The following WASHC5 variants were observed in gnomAD, a reference collection of about 807,000 sequenced individuals.
The protein encoded by WASHC5 is WASH complex subunit 5, also known as WASH complex subunit strumpellin.
In WASHC5, 101 loss-of-function variants were observed where a neutral mutation model predicts 150.4. The observed-to-expected ratio is 0.67, with a 90% CI of 0.57 to 0.79. The LOEUF (loss-of-function observed/expected upper bound fraction) is 0.79, where lower values mean the gene tolerates loss of function less well. WASHC5 is among the 30% of genes least tolerant of loss of function. The pLI is 0.00. For missense variants in WASHC5, 1,195 were observed against 1,396.3 expected (o/e 0.86, Z 2.30); for synonymous variants, 467 against 491.2 (o/e 0.95, Z 0.65).
intron 18 of WASHC5, 96 bp downstream of exon 18, chr8:125,050,468 G>C (rs1046114974): frequency 1.3e-6 from 1 of 776,716 alleles, no homozygotes; most frequent in African/African-American, 1.7e-5. Context: ...TTAGCTAGGA[G>C]GTAAGGTCTT....
At chr8:125,071,814 A>C (rs1404089094) in intron 9 of WASHC5, among the ~76,000 whole-genome samples, 1 of 152,180 alleles carries the variant, frequency 6.6e-6, no homozygotes, top group Non-Finnish European at 1.5e-5. Context: ...AGAAGTGACA[A>C]ATCTGAGATG....
chr8:125,063,619 G>C lies in WASHC5; in HGVS notation c.1311C>G (p.Thr437=), dbSNP rs964769606. The C allele has an allele frequency of 3.1e-6, 5 of 1,613,566 alleles. No individual in the cohort carries two copies. In the African/African-American group the frequency reaches 6.7e-5, roughly 22 times the overall value. The change falls in exon 11 of 29, where the codon ACC becomes ACG. Residue 437 remains threonine (T), a synonymous_variant. Coordinates refer to ENST00000318410, the MANE Select transcript of WASHC5 (RefSeq NM_014846.4). ...CCTCTTTCTTGTAATGCTCCCATTT[G>C]GTTTGCTTTTCTGAAAGCATTTGCT... ...MFKQMLSEKQ[T]KWEHYKKEGS... is the part of the protein sequence containing the mutation.
chr8:125,041,750 GACC>G (rs1815896295), intron 23 of WASHC5, among the ~76,000 whole-genome samples: 2 of 152,000 alleles, frequency 1.3e-5, no homozygotes, highest in Admixed American at 1.3e-4. Flanking sequence ...TATTATTTTT[GACC>G]ACTATTCATA....
intron 27 of WASHC5, 125 bp from the exon 28 acceptor site, chr8:125,028,832 G>C: frequency 1.4e-6 from 1 of 713,124 alleles, no homozygotes; most frequent in Non-Finnish European, 2.5e-6. Flanking sequence ...CAAAAACATT[G>C]AGCATGCTCT....
chr8:125,025,940 T>G (rs2129937155), intron 28 of WASHC5, among the ~76,000 whole-genome samples: 1 of 152,274 alleles, frequency 6.6e-6, no homozygotes, highest in South Asian at 2.1e-4. Flanking sequence ...GGCACATATC[T>G]TGGTAAACCT....
intron 1 of WASHC5, among the ~76,000 whole-genome samples, chr8:125,087,212 T>C (rs577974168): frequency 1.3e-5 from 2 of 152,352 alleles, no homozygotes; most frequent in African/African-American, 2.4e-5. Context: ...CTGTGCAATA[T>C]AGTCATTGCT....
rs199829614 is a variant in WASHC5 at position 125,037,258 on chromosome 8, G to C, written c.3160C>G (p.Leu1054Val). ...FLFLIAQLPK[L>V]QYNKNLGMVC... ...GTACCCAGATTTTTGTTGTATTGAA[G>C]TTTTGGCAACTGAGCGATCAAAAAT... is the stretch of plus-strand genomic sequence containing the variant. Residue 1054 changes from leucine to valine, a missense_variant, in exon 26 of 29, where the codon CTT becomes GTT. By Grantham distance (32) the Leu-to-Val change is conservative (BLOSUM62 1). Transcript: ENST00000318410. 6.2e-6 allele frequency: 10 copies of C among 1,608,532 alleles called. No homozygotes were observed. The highest frequency in any genetic ancestry group is 7.7e-6 in the Non-Finnish European group (9 of 1,175,052).
intron 1 of WASHC5, among the ~76,000 whole-genome samples, chr8:125,085,645 T>C (rs1269940550): frequency 6.6e-6 from 1 of 152,206 alleles, no homozygotes; most frequent in African/African-American, 2.4e-5. Flanking sequence ...CTAAGCATCT[T>C]CTGTAACACA....
At chr8:125,026,235 G>T (rs1815377182) in intron 28 of WASHC5, among the ~76,000 whole-genome samples, 3 of 152,068 alleles carry the variant, frequency 2.0e-5, no homozygotes, top group Admixed American at 1.3e-4. Flanking sequence ...CTATTTTCTT[G>T]AAAACTGCCT....
chr8:125,063,795 C>T (rs539238726), intron 10 of WASHC5, 144 bp from the exon 11 acceptor site: 3 of 725,294 alleles, frequency 4.1e-6, no homozygotes, highest in Admixed American at 2.5e-5. Context: ...GTCATCTCCT[C>T]AGGCACTGAT....
At chr8:125,032,694 T>G in intron 26 of WASHC5, 1 of 388,230 alleles carries the variant, frequency 2.6e-6, no homozygotes, top group African/African-American at 2.1e-5. Context: ...AAGATACAGA[T>G]AAATGTAAAT....
chr8:125,078,730 A>G lies in WASHC5; in HGVS notation c.711+8T>C. 6.2e-7 allele frequency: 1 copy of G among 1,608,206 alleles called. No individual in the cohort carries two copies. The highest frequency in any genetic ancestry group is 1.7e-5 in the Admixed American group (1 of 59,992). ...GTCTTAATAGGTCTTAATAGATTTA[A>G]TTCCCACCTGGTTGTAAATATCATC... On this transcript the variant is annotated splice_region_variant and intron_variant, in intron 6 of 28. Coordinates refer to ENST00000318410, the MANE Select transcript of WASHC5 (RefSeq NM_014846.4).
chr8:125,044,411 T>TGA, intron 21 of WASHC5, 125 bp downstream of exon 21: 1 of 1,039,412 alleles, frequency 9.6e-7, no homozygotes, highest in South Asian at 1.3e-5. Context: ...GTAGGTATCA[T>TGA]ATGCCTAAAG....
intron 1 of WASHC5, among the ~76,000 whole-genome samples, chr8:125,086,472 C>T (rs1817424686): frequency 6.6e-6 from 1 of 152,298 alleles, no homozygotes; most frequent in African/African-American, 2.4e-5. Flanking sequence ...CAAATTTCCT[C>T]TTCATACAAA....
In WASHC5 at chr8:125,044,716, C is replaced by CA. The variant is rs1563614534; in HGVS notation, c.2505-19dup. 3.1e-6 allele frequency: 5 copies of CA among 1,612,800 alleles called. No individual in the cohort carries two copies. The South Asian group carries it at 5.5e-5, about 18-fold the overall frequency. On this transcript the variant is annotated intron_variant, in intron 20 of 28. Transcript: ENST00000318410. Reference sequence around the variant, plus strand: ...ATGTCATTCTAAAATGAAAACAATGCAAAAACCCCAGAATGGCTCAGAATT... The same window carrying CA: ...ATGTCATTCTAAAATGAAAACAATGCAAAAAACCCCAGAATGGCTCAGAATT...
intron 28 of WASHC5, among the ~76,000 whole-genome samples, chr8:125,027,613 TGGAGGGAAGAATG>T (rs577446270): frequency 8.5e-5 from 13 of 152,150 alleles, no homozygotes; most frequent in Middle Eastern, 6.8e-3. Context: ...TTTGGGGACT[TGGAGGGAAGAATG>T]GGAGGGGAGT....
At chr8:125,076,839 T>C (rs1817079093) in intron 6 of WASHC5, among the ~76,000 whole-genome samples, 1 of 151,752 alleles carries the variant, frequency 6.6e-6, no homozygotes, top group Non-Finnish European at 1.5e-5. Flanking sequence ...ACTGACAGGC[T>C]CCACTCACTG....
intron 11 of WASHC5, among the ~76,000 whole-genome samples, chr8:125,062,112 C>T (rs1816610941): frequency 6.6e-6 from 1 of 152,130 alleles, no homozygotes; most frequent in African/African-American, 2.4e-5. Flanking sequence ...GACAAACACT[C>T]ATTTTTGAAG....
intron 2 of WASHC5, 26 bp from the exon 3 acceptor site, chr8:125,083,284 T>C (rs778135926): frequency 1.6e-5 from 26 of 1,607,338 alleles, no homozygotes; most frequent in Non-Finnish European, 2.0e-5. Context: ...ACATGTGAAA[T>C]GTCAATAAAA....
Sources: allele counts gnomAD v4.1 joint callset (sites outside exome capture counted in the v4.1 genomes callset), GRCh38; gene constraint gnomAD v4.1.1; transcripts MANE v1.5; gene names NCBI Gene and HGNC (gene_info 2026-07-23, HGNC 2026-07-21).